Variants in SYTL3 observed in about 807,000 individuals in gnomAD.
SYTL3 encodes synaptotagmin-like protein 3.
In SYTL3, 88 loss-of-function variants were observed where a neutral mutation model predicts 82.1. That is an observed-to-expected ratio of 1.07 (90% confidence interval 0.90 to 1.28). The LOEUF is 1.28. SYTL3 is among the 50% of genes most tolerant of loss of function. The pLI is 0.00. For missense variants in SYTL3, 831 were observed against 757.6 expected (o/e 1.10, Z -1.14); for synonymous variants, 311 against 289.4 (o/e 1.07, Z -0.76).
At chr6:158,690,921 G>A (rs1779794865) in intron 6 of SYTL3, among the ~76,000 whole-genome samples, 1 of 152,262 alleles carries the variant, frequency 6.6e-6, no homozygotes, top group East Asian at 1.9e-4. Context: ...CGGGCATTTG[G>A]CAATCCGTGC....
At chr6:158,728,307 A>G (rs1438473280) in intron 11 of SYTL3, among the ~76,000 whole-genome samples, 3 of 151,436 alleles carry the variant, frequency 2.0e-5, no homozygotes, top group Non-Finnish European at 4.4e-5. Context: ...TTTTTTCCAT[A>G]TGGATATTTA....
intron 2 of SYTL3, among the ~76,000 whole-genome samples, chr6:158,658,280 A>T (rs1365721064): frequency 1.3e-5 from 2 of 151,804 alleles, no homozygotes; most frequent in African/African-American, 4.8e-5. Flanking sequence ...GTTAATTAAA[A>T]TTTTTTTTTG....
Position 158,764,529 on chromosome 6 carries a change from ACT to A in SYTL3, c.1759_1760del (p.Leu587IlefsTer26). On this transcript the variant is annotated frameshift_variant, in exon 18 of 18. Coordinates refer to ENST00000611299, the MANE Select transcript of SYTL3 (RefSeq NM_001242394.2). LOFTEE classifies it high-confidence loss of function. ...DTAVGGDACS[L>X]SKLQWQKVLS... is the part of the protein sequence containing the mutation. ...CAGCTGTTGGCGGGGATGCATGCTC[ACT>A]ATCGAAGCTCCAGTGGCAGAAAGTC... is the stretch of plus-strand genomic sequence containing the variant. The A allele has an allele frequency of 6.2e-7, 1 of 1,614,000 alleles. No homozygotes were observed. The highest frequency in any genetic ancestry group is 8.5e-7 in the Non-Finnish European group (1 of 1,179,996).
intron 11 of SYTL3, chr6:158,726,463 T>C (rs2128482294): frequency 5.2e-6 from 1 of 193,482 alleles, no homozygotes; most frequent in Non-Finnish European, 1.1e-5. Context: ...TGCCTCCCAA[T>C]AGGCCTTGAG....
intron 11 of SYTL3, among the ~76,000 whole-genome samples, chr6:158,743,614 T>C (rs928690110): frequency 2.0e-5 from 3 of 146,596 alleles, no homozygotes; most frequent in Non-Finnish European, 4.5e-5. Flanking sequence ...TTTTTTTTTT[T>C]TTTTTTTTTT....
At chr6:158,681,799 C>T (rs973145529) in intron 5 of SYTL3, among the ~76,000 whole-genome samples, 15 of 152,254 alleles carry the variant, frequency 9.9e-5, no homozygotes, top group Non-Finnish European at 2.1e-4. Context: ...TCTGTGGGCT[C>T]TTGGAGAATG....
chr6:158,683,132 C>G (rs1193141361), intron 6 of SYTL3, 143 bp downstream of exon 6: 9 of 600,490 alleles, frequency 1.5e-5, no homozygotes, highest in East Asian at 3.1e-5. Flanking sequence ...TGCTGATGCT[C>G]TCACTGTAAT....
At chr6:158,729,419 C>T (rs1041346285) in intron 11 of SYTL3, among the ~76,000 whole-genome samples, 1 of 152,068 alleles carries the variant, frequency 6.6e-6, no homozygotes, top group Non-Finnish European at 1.5e-5. Context: ...TTCACTAGAG[C>T]CCCACCCTCA....
At chr6:158,709,348 T>C (rs1228883659) in intron 8 of SYTL3, among the ~76,000 whole-genome samples, 2 of 152,240 alleles carry the variant, frequency 1.3e-5, no homozygotes, top group East Asian at 1.9e-4. Context: ...AATCATTTAA[T>C]GCAGAGCCTA....
chr6:158,655,457 A>G (rs1788568508), intron 2 of SYTL3, among the ~76,000 whole-genome samples: 2 of 152,222 alleles, frequency 1.3e-5, no homozygotes, highest in Admixed American at 1.3e-4. Context: ...CTAGAAGGCA[A>G]ACACTCAAGA....
intron 5 of SYTL3, among the ~76,000 whole-genome samples, chr6:158,676,698 C>G (rs1317641367): frequency 6.6e-6 from 1 of 151,836 alleles, no homozygotes; most frequent in Non-Finnish European, 1.5e-5. Context: ...TGAACTCAAA[C>G]AAATTTACAA....
intron 5 of SYTL3, among the ~76,000 whole-genome samples, chr6:158,672,914 C>T (rs530810436): frequency 1.3e-5 from 2 of 152,062 alleles, no homozygotes; most frequent in African/African-American, 2.4e-5. Context: ...GAATTTCAGG[C>T]GTGAGCCACC....
intron 12 of SYTL3, among the ~76,000 whole-genome samples, 156 bp from the exon 13 acceptor site, chr6:158,751,772 A>G (rs1328790721): frequency 6.6e-6 from 1 of 152,196 alleles, no homozygotes; most frequent in Non-Finnish European, 1.5e-5. Flanking sequence ...AACGTTGCTC[A>G]CTATTAGGCT....
chr6:158,714,850 C>A (rs748396717), intron 9 of SYTL3, among the ~76,000 whole-genome samples: 1 of 152,090 alleles, frequency 6.6e-6, no homozygotes, highest in Non-Finnish European at 1.5e-5. Flanking sequence ...ATTAGTTGTC[C>A]GTATTCCTCA....
chr6:158,731,177 G>A (rs998227251), intron 11 of SYTL3, among the ~76,000 whole-genome samples: 1 of 151,698 alleles, frequency 6.6e-6, no homozygotes. Flanking sequence ...CCAGCTACTC[G>A]GGAGGCTGAG....
At chr6:158,648,667 G>T (rs1787675459), upstream of SYTL3, among the ~76,000 whole-genome samples, 1 of 151,384 alleles carries the variant, frequency 6.6e-6, no homozygotes, top group African/African-American at 2.4e-5. Flanking sequence ...GCCCTTCATA[G>T]TCCAAATGCC....
At chr6:158,685,648 G>A (rs1265994195) in intron 6 of SYTL3, among the ~76,000 whole-genome samples, 3 of 151,866 alleles carry the variant, frequency 2.0e-5, no homozygotes, top group South Asian at 2.1e-4. Flanking sequence ...GAGAAACCCC[G>A]TCTCTACTAA....
At position 158,660,262 on chromosome 6, in the gene SYTL3, C is replaced by T. The variant is rs559820014; in HGVS notation, c.-636-1007C>T. The stretch of plus-strand genomic sequence containing the variant: ...CCTGGACAACAGAGCAATACTCCGT[C>T]TCAAAAACAACAACAACAACAAAAA... On this transcript the variant is annotated intron_variant, in intron 2 of 17. Transcript: ENST00000611299. 2.0e-5 allele frequency among the ~76,000 whole-genome samples: 3 copies of T among 152,258 alleles called. No homozygotes were observed. The East Asian group carries it at 5.8e-4, about 29-fold the overall frequency.
At chr6:158,654,128 T>A (rs1447625385) in intron 2 of SYTL3, among the ~76,000 whole-genome samples, 1 of 152,180 alleles carries the variant, frequency 6.6e-6, no homozygotes, top group Non-Finnish European at 1.5e-5. Flanking sequence ...GGCGGAGCTG[T>A]CCCACACGTC....
Sources: gnomAD v4.1 joint callset for allele counts (sites outside exome capture counted in the v4.1 genomes callset) on GRCh38, gnomAD v4.1.1 for gene constraint, MANE v1.5 for transcripts, NCBI Gene and HGNC (gene_info 2026-07-23, HGNC 2026-07-21) for gene names.